Variants in TIA1 observed in about 807,000 individuals in gnomAD.
TIA1 encodes the protein cytotoxic granule associated RNA binding protein TIA1.
Under a neutral mutation model 65.9 loss-of-function variants are expected in TIA1, and 23 were observed. That is an observed-to-expected ratio of 0.35 (90% confidence interval 0.25 to 0.49). The LOEUF (loss-of-function observed/expected upper bound fraction) is 0.49, where lower values mean the gene tolerates loss of function less well. Ranked by LOEUF, TIA1 falls within the 20% of genes least tolerant of loss-of-function variation. TIA1 has a pLI of 0.98. For missense variants in TIA1, 371 were observed against 477.9 expected (o/e 0.78, Z 2.09); for synonymous variants, 147 against 149.4 (o/e 0.98, Z 0.12).
Position 70,216,878 on chromosome 2 carries a change from A to G in TIA1, c.583+8T>C, listed in dbSNP as rs1312239280. 1.2e-6 allele frequency: 2 copies of G among 1,614,000 alleles called. No individual in the cohort carries two copies. On this transcript the variant is annotated splice_region_variant and intron_variant, in intron 8 of 12. Coordinates refer to ENST00000433529, the MANE Select transcript of TIA1 (RefSeq NM_022173.4). ...TCCACATTTCCTTTTCTTCTCCAATACACCTACACTCATATGTACTCTTTG... is the reference window on the plus strand; with the variant it reads ...TCCACATTTCCTTTTCTTCTCCAATGCACCTACACTCATATGTACTCTTTG...
chr2:70,231,833 T>C (rs113113315), intron 2 of TIA1, among the ~76,000 whole-genome samples: 7 of 152,198 alleles, frequency 4.6e-5, no homozygotes, highest in African/African-American at 1.7e-4. Context: ...GATTCTCTGG[T>C]AAGTAAAATT....
chr2:70,213,368 G>A (rs1677139725), intron 12 of TIA1, among the ~76,000 whole-genome samples: 1 of 148,300 alleles, frequency 6.7e-6, no homozygotes, highest in African/African-American at 2.5e-5. Context: ...TTTTAAGACA[G>A]GTTTTCATTG....
chr2:70,219,706 G>A (rs1483016101), intron 7 of TIA1, among the ~76,000 whole-genome samples: 1 of 150,434 alleles, frequency 6.6e-6, no homozygotes, highest in Non-Finnish European at 1.5e-5. Flanking sequence ...GGCAATGGGA[G>A]GGATTCGGGG....
chr2:70,243,900 G>C (rs569523463), intron 1 of TIA1, among the ~76,000 whole-genome samples: 1 of 152,242 alleles, frequency 6.6e-6, no homozygotes, highest in East Asian at 1.9e-4. Context: ...ACCTGGATTG[G>C]CTTCCTGACT....
chr2:70,223,119 A>G (rs922033677), intron 7 of TIA1, among the ~76,000 whole-genome samples: 2 of 152,156 alleles, frequency 1.3e-5, no homozygotes, highest in Admixed American at 6.5e-5. Flanking sequence ...CGAAAATGTG[A>G]AAAATGAGTT....
chr2:70,244,251 C>G (rs1693203807), intron 1 of TIA1, among the ~76,000 whole-genome samples: 1 of 152,154 alleles, frequency 6.6e-6, no homozygotes. Flanking sequence ...AAAGGATGAC[C>G]TTCCTTTATT....
At chr2:70,225,028 T>TAA in intron 6 of TIA1, 4 of 932,432 alleles carry the variant, frequency 4.3e-6, no homozygotes, top group Non-Finnish European at 5.2e-6. Context: ...ACCTAATCAT[T>TAA]AAAAAAAAAT....
chr2:70,223,009 C>G (rs186948053), intron 7 of TIA1, among the ~76,000 whole-genome samples: 3 of 152,344 alleles, frequency 2.0e-5, no homozygotes, highest in Admixed American at 2.0e-4. Context: ...AGGCCATACA[C>G]AGGTTATCAA....
At chr2:70,213,547 C>T (rs981061295) in intron 12 of TIA1, among the ~76,000 whole-genome samples, 14 of 152,048 alleles carry the variant, frequency 9.2e-5, no homozygotes, top group South Asian at 2.1e-4. Context: ...TGAGATTTCG[C>T]CATGTTGCCC....
rs1385537329 is a variant in TIA1, at chr2:70,215,353, A to G, written c.888+18T>C. The G allele has an allele frequency of 8.1e-6, 13 of 1,612,114 alleles. No homozygotes were observed. Among genetic ancestry groups the G allele is most frequent in the African/African-American group, 1.3e-5 (1 of 74,862 alleles). On this transcript the variant is annotated intron_variant, in intron 11 of 12. Transcript: ENST00000433529. ...TATTAGCCCAACAATTACTTCTCAA[A>G]GTTAAGAACCCTCTCACCTGTTGCA...
At chr2:70,222,110 AGCT>A (rs1454393420) in intron 7 of TIA1, among the ~76,000 whole-genome samples, 1 of 151,750 alleles carries the variant, frequency 6.6e-6, no homozygotes, top group Non-Finnish European at 1.5e-5. Flanking sequence ...ATCTCAATAA[AGCT>A]GCTGTTAAAA....
chr2:70,243,831 A>G (rs947667705), intron 1 of TIA1, among the ~76,000 whole-genome samples: 1 of 152,176 alleles, frequency 6.6e-6, no homozygotes, highest in Non-Finnish European at 1.5e-5. Flanking sequence ...CCATAATTCA[A>G]CTACTTCCCA....
intron 4 of TIA1, 80 bp from the exon 5 acceptor site, chr2:70,229,171 A>G (rs758285798): frequency 6.9e-6 from 11 of 1,601,570 alleles, no homozygotes; most frequent in Non-Finnish European, 9.4e-6. Context: ...CGATCAAAAC[A>G]TTACTGCAAA....
At chr2:70,230,352 A>G (rs966725998) in intron 3 of TIA1, among the ~76,000 whole-genome samples, 1 of 152,054 alleles carries the variant, frequency 6.6e-6, no homozygotes, top group Non-Finnish European at 1.5e-5. Flanking sequence ...CTTTTGCTAT[A>G]AAGTGTTTAA....
chr2:70,223,105 A>ATC (rs1682240561), intron 7 of TIA1, among the ~76,000 whole-genome samples: 1 of 152,170 alleles, frequency 6.6e-6, no homozygotes, highest in African/African-American at 2.4e-5. Flanking sequence ...ACAGTCCACA[A>ATC]TCTCGAAAAT....
At chr2:70,215,730 C>T (rs745999330) in intron 10 of TIA1, 14 of 428,184 alleles carry the variant, frequency 3.3e-5, no homozygotes, top group East Asian at 1.9e-4. Flanking sequence ...GAGGCAAATA[C>T]GCTGGATGCT....
chr2:70,224,316 T>C (rs1307507803), intron 7 of TIA1: 5 of 497,900 alleles, frequency 1.0e-5, no homozygotes, highest in African/African-American at 1.9e-5. Context: ...AACATCTACC[T>C]TTGGCTGATA....
intron 1 of TIA1, among the ~76,000 whole-genome samples, chr2:70,245,379 A>G (rs1693842370): frequency 6.6e-6 from 1 of 152,214 alleles, no homozygotes. Context: ...ATCTCAAAAG[A>G]GAACACTCAT....
intron 12 of TIA1, 100 bp from the exon 13 acceptor site, chr2:70,212,945 A>T: frequency 1.3e-6 from 1 of 767,676 alleles, no homozygotes; most frequent in Non-Finnish European, 2.3e-6. Context: ...GGGAAATGGG[A>T]AACATACTTT....
Sources: allele counts gnomAD v4.1 joint callset (sites outside exome capture counted in the v4.1 genomes callset), GRCh38; gene constraint gnomAD v4.1.1; transcripts MANE v1.5; gene names NCBI Gene and HGNC (gene_info 2026-07-23, HGNC 2026-07-21).